LARGE1: variants seen among roughly 807,000 people sequenced by gnomAD.
LARGE1 encodes xylosyl- and glucuronyltransferase LARGE1.
A neutral mutation model predicts 87.6 loss-of-function variants in LARGE1; 43 were observed. The ratio of observed to expected loss-of-function variants is 0.49; its 90% confidence interval spans 0.38 to 0.63. The LOEUF is 0.63. LARGE1 is among the 30% of genes least tolerant of loss of function. The pLI is 0.00. For synonymous variants in LARGE1, 434 were observed against 394.6 expected (o/e 1.10, Z -1.18); for missense variants, 802 against 1,000.2 (o/e 0.80, Z 2.67).
intron 6 of LARGE1, among the ~76,000 whole-genome samples, chr22:33,448,445 T>C (rs2067776993): frequency 1.3e-5 from 2 of 152,202 alleles, no homozygotes; most frequent in South Asian, 4.1e-4. Context: ...AAGTATTACT[T>C]GGTATATGTC....
chr22:33,616,990 C>A (rs137936727), intron 4 of LARGE1, among the ~76,000 whole-genome samples: 1 of 152,192 alleles, frequency 6.6e-6, no homozygotes, highest in South Asian at 2.1e-4. Flanking sequence ...GAGGAATAGG[C>A]AAATATTGGA....
chr22:33,738,584 G>C (rs181492129), intron 2 of LARGE1, among the ~76,000 whole-genome samples: 2,019 of 152,310 alleles, frequency 0.013, 46 homozygotes, highest in African/African-American at 0.046. Flanking sequence ...CCAGGGCCGG[G>C]CGCGGTGGCT....
At chr22:33,347,102 C>G (rs1939852903) in intron 9 of LARGE1, among the ~76,000 whole-genome samples, 2 of 152,106 alleles carry the variant, frequency 1.3e-5, no homozygotes, top group South Asian at 4.1e-4. Flanking sequence ...AAATTCAAAC[C>G]CCCTACTTTA....
Position 33,272,695 on chromosome 22 carries a change from A to C in LARGE1, c.*1732T>G, listed in dbSNP as rs1438123724. On this transcript the variant is annotated 3_prime_UTR_variant, in exon 15 of 15. Coordinates refer to ENST00000397394, the MANE Select transcript of LARGE1 (RefSeq NM_133642.5). Reference sequence around the variant, plus strand: ...TAATTCTTGTATAAATTTCCGTGTAACATCCACTTGAGCATGTAACATCGT... The same window carrying C: ...TAATTCTTGTATAAATTTCCGTGTACCATCCACTTGAGCATGTAACATCGT... Among the ~76,000 whole-genome samples the C allele has an allele frequency of 6.6e-6, 1 of 152,196 alleles. No homozygotes were observed. The highest frequency in any genetic ancestry group is 1.5e-5 in the Non-Finnish European group (1 of 68,046).
chr22:33,385,008 A>AT (rs1300107439), intron 7 of LARGE1, among the ~76,000 whole-genome samples: 2 of 148,848 alleles, frequency 1.3e-5, no homozygotes, highest in Non-Finnish European at 3.0e-5. Context: ...CTGACAAGCC[A>AT]TATGGGCCTG....
At chr22:33,447,798 G>A (rs2067744670) in intron 6 of LARGE1, among the ~76,000 whole-genome samples, 1 of 152,100 alleles carries the variant, frequency 6.6e-6, no homozygotes, top group Admixed American at 6.5e-5. Flanking sequence ...GACAGGCTGG[G>A]GAGAGTGGGT....
At chr22:33,547,994 C>T (rs2077410733) in intron 6 of LARGE1, among the ~76,000 whole-genome samples, 2 of 152,036 alleles carry the variant, frequency 1.3e-5, no homozygotes, top group South Asian at 4.1e-4. Flanking sequence ...ACCAACCCTA[C>T]CCCACCCCCC....
chr22:33,207,810 G>C (rs1924760999), intron 11 of LARGE1, among the ~76,000 whole-genome samples: 2 of 152,186 alleles, frequency 1.3e-5, no homozygotes, highest in African/African-American at 4.8e-5. Flanking sequence ...TGTGGTCTCT[G>C]CAAGTGGTCC....
intron 11 of LARGE1, among the ~76,000 whole-genome samples, chr22:33,220,033 C>T (rs1395302951): frequency 2.0e-5 from 3 of 152,222 alleles, no homozygotes; most frequent in African/African-American, 4.8e-5. Context: ...TTTGTTGTAG[C>T]ATTCTACAAG....
At chr22:33,541,410 A>G (rs1225432555) in intron 6 of LARGE1, among the ~76,000 whole-genome samples, 1 of 152,202 alleles carries the variant, frequency 6.6e-6, no homozygotes, top group African/African-American at 2.4e-5. Flanking sequence ...TTATAAAAGA[A>G]TCCATCCTAT....
At chr22:33,517,902 T>C (rs957013454) in intron 6 of LARGE1, among the ~76,000 whole-genome samples, 1 of 152,170 alleles carries the variant, frequency 6.6e-6, no homozygotes, top group African/African-American at 2.4e-5. Flanking sequence ...AAAATCAGGC[T>C]ACAAAGTCAG....
intron 5 of LARGE1, among the ~76,000 whole-genome samples, chr22:33,577,202 G>A (rs2078380568): frequency 6.6e-6 from 1 of 152,104 alleles, no homozygotes; most frequent in East Asian, 1.9e-4. Context: ...TATTCCAATG[G>A]TTTGGTATTA....
At chr22:33,752,414 T>C (rs914712726) in intron 2 of LARGE1, among the ~76,000 whole-genome samples, 46 of 152,134 alleles carry the variant, frequency 3.0e-4, no homozygotes, top group Admixed American at 1.3e-4. Context: ...AAAATAAAAT[T>C]GACTTAAAAC....
At chr22:33,650,013 C>T (rs930058958) in intron 3 of LARGE1, among the ~76,000 whole-genome samples, 2 of 152,192 alleles carry the variant, frequency 1.3e-5, no homozygotes, top group African/African-American at 4.8e-5. Flanking sequence ...ACCATTCACA[C>T]TATAGTCTAA....
In LARGE1 at chr22:33,600,382, C is replaced by A. The variant is rs1165891824; in HGVS notation, c.615+4053G>T. On this transcript the variant is annotated intron_variant, in intron 5 of 14. Coordinates refer to ENST00000397394, the MANE Select transcript of LARGE1 (RefSeq NM_133642.5). ...AACAGACGTGATCCTGGTTTGGGAG[C>A]TTACGGTATAGGAGATAGACATCTA... Among the ~76,000 whole-genome samples the A allele has an allele frequency of 2.0e-5, 3 of 152,100 alleles. No homozygotes were observed. In the East Asian group the frequency reaches 5.8e-4, roughly 29 times the overall value.
the LARGE1 span, among the ~76,000 whole-genome samples, chr22:33,082,474 C>T: frequency 6.6e-6 from 1 of 152,154 alleles, no homozygotes; most frequent in Non-Finnish European, 1.5e-5. Context: ...CCATTCATTT[C>T]AAGGTAATCA....
intron 1 of LARGE1, among the ~76,000 whole-genome samples, chr22:33,863,320 G>A (rs1471833306): frequency 6.6e-6 from 1 of 152,184 alleles, no homozygotes; most frequent in Non-Finnish European, 1.5e-5. Context: ...ATTTCCTTTA[G>A]CAGTCAAGAG....
chr22:33,706,640 C>T (rs1249412442), intron 2 of LARGE1, among the ~76,000 whole-genome samples: 2 of 152,216 alleles, frequency 1.3e-5, no homozygotes, highest in East Asian at 1.9e-4. Context: ...TCAACTAAAT[C>T]GCTTTAAAGA....
At chr22:33,783,912 G>T (rs1336951852) in intron 1 of LARGE1, among the ~76,000 whole-genome samples, 1 of 152,128 alleles carries the variant, frequency 6.6e-6, no homozygotes, top group Non-Finnish European at 1.5e-5. Flanking sequence ...TCCTCAATGG[G>T]CTCTAAAAAG....
Sources: allele counts gnomAD v4.1 joint callset (sites outside exome capture counted in the v4.1 genomes callset), GRCh38; gene constraint gnomAD v4.1.1; transcripts MANE v1.5; gene names NCBI Gene and HGNC (gene_info 2026-07-23, HGNC 2026-07-21).